Variants in RHOT1 observed in about 807,000 individuals in gnomAD.
The protein encoded by RHOT1 is mitochondrial Rho GTPase 1.
RHOT1 carries 27 observed loss-of-function variants against 95.3 expected under a neutral mutation model. The ratio of observed to expected loss-of-function variants is 0.28; its 90% confidence interval spans 0.21 to 0.39. RHOT1 has a LOEUF of 0.39. RHOT1 is among the 10% of genes least tolerant of loss of function. The pLI, the probability that RHOT1 is intolerant of heterozygous loss-of-function variation, is 1.00. For missense variants in RHOT1, 578 were observed against 786.7 expected (o/e 0.73, Z 3.17); for synonymous variants, 227 against 263.5 (o/e 0.86, Z 1.34).
At position 32,180,877 on chromosome 17, in the gene RHOT1, G is replaced by T. The variant is rs141529058; in HGVS notation, c.330-1880G>T. Among the ~76,000 whole-genome samples, 194 of 152,224 alleles carry T rather than the reference G, an allele frequency of 1.3e-3. 1 individual carries two copies. Among genetic ancestry groups the T allele is most frequent in the African/African-American group, 4.4e-3 (184 of 41,522 alleles). ...TTTAAAAAACTTTTGTAGAAACAGG[G>T]TCTCACTATGTTATCCAGGATAGTT... On this transcript the variant is annotated intron_variant, in intron 6 of 19. Coordinates refer to ENST00000545287, the MANE Select transcript of RHOT1 (RefSeq NM_001033566.3).
chr17:32,150,639 A>G, intron 1 of RHOT1: 2 of 1,592,478 alleles, frequency 1.3e-6, no homozygotes, highest in Non-Finnish European at 1.7e-6. Context: ...GACAGTGGAA[A>G]GAAGAGCTGG....
At chr17:32,175,745 G>A (rs1334639403) in intron 4 of RHOT1, among the ~76,000 whole-genome samples, 1 of 152,134 alleles carries the variant, frequency 6.6e-6, no homozygotes, top group Non-Finnish European at 1.5e-5. Flanking sequence ...TTCTTTTGCA[G>A]TTCTTTATTG....
chr17:32,151,631 C>A (rs1412022715), intron 1 of RHOT1: 8 of 237,402 alleles, frequency 3.4e-5, no homozygotes, highest in Non-Finnish European at 6.0e-5. Context: ...GCCTGTAATT[C>A]CAGCACTTTG....
intron 1 of RHOT1, among the ~76,000 whole-genome samples, chr17:32,166,322 C>CGAA (rs1182260743): frequency 6.6e-6 from 1 of 152,106 alleles, no homozygotes; most frequent in African/African-American, 2.4e-5. Context: ...TCTGAGCCTT[C>CGAA]AGTGAGTTGT....
At chr17:32,195,561 G>A (rs1031510977) in intron 11 of RHOT1, among the ~76,000 whole-genome samples, 14 of 152,132 alleles carry the variant, frequency 9.2e-5, no homozygotes, top group Admixed American at 2.0e-4. Context: ...GACTTCCCAG[G>A]ATCTGGCCTC....
At chr17:32,143,209 G>T in intron 1 of RHOT1, 1 of 436,310 alleles carries the variant, frequency 2.3e-6, no homozygotes, top group Non-Finnish European at 4.7e-6. Flanking sequence ...TCCCGGGGAA[G>T]CTGGGGGAGG....
At chr17:32,224,427 A>T (rs762263814) in intron 19 of RHOT1, among the ~76,000 whole-genome samples, 189 bp from the exon 20 acceptor site, 2 of 152,166 alleles carry the variant, frequency 1.3e-5, no homozygotes, top group Non-Finnish European at 2.9e-5. Context: ...ACATTGTGTC[A>T]TTTTCTTAAA....
In RHOT1 at chr17:32,194,079, G is replaced by A. The variant is rs2142774668; in HGVS notation, c.841G>A (p.Asp281Asn). Residue 281 changes from aspartate to asparagine, a missense_variant, in exon 11 of 20, where the codon GAT (aspartate) becomes AAT (asparagine). Transcript: ENST00000545287. ...ACGATTTGGTTATGATGATGACCTG[G>A]ATTTGACACCTGAATATTTGTTCCC... Reference protein sequence around the residue: ...LRRFGYDDDLDLTPEYLFPLL... With the variant: ...LRRFGYDDDLNLTPEYLFPLL... 2 of 1,614,060 alleles carry A rather than the reference G, an allele frequency of 1.2e-6. No homozygotes were observed. The highest frequency in any genetic ancestry group is 1.7e-6 in the Non-Finnish European group (2 of 1,179,990).
intron 1 of RHOT1, among the ~76,000 whole-genome samples, chr17:32,147,956 T>C (rs921481517): frequency 6.6e-6 from 1 of 152,130 alleles, no homozygotes; most frequent in East Asian, 1.9e-4. Flanking sequence ...CTGATGCGTG[T>C]AGGCTTTAAT....
At chr17:32,205,256 G>A (rs61195190) in intron 16 of RHOT1, among the ~76,000 whole-genome samples, 1,721 of 152,074 alleles carry the variant, frequency 0.011, 34 homozygotes, top group African/African-American at 0.039. Flanking sequence ...ACTTATGAGT[G>A]AGAACATGCA....
intron 1 of RHOT1, among the ~76,000 whole-genome samples, chr17:32,170,556 T>A (rs2034494975): frequency 1.3e-5 from 2 of 152,252 alleles, no homozygotes. Flanking sequence ...CATAATGTTG[T>A]GTAACCATCA....
chr17:32,190,363 G>C (rs2036397260), intron 8 of RHOT1, among the ~76,000 whole-genome samples: 1 of 152,066 alleles, frequency 6.6e-6, no homozygotes, highest in Non-Finnish European at 1.5e-5. Flanking sequence ...ACTGAGGCAG[G>C]AGAATCGCTT....
chr17:32,198,947 G>A lies in RHOT1; in HGVS notation c.870G>A (p.Leu290=), dbSNP rs1441440629. 1 of 1,592,272 alleles carries A rather than the reference G, an allele frequency of 6.3e-7. No individual in the cohort carries two copies. Among genetic ancestry groups the A allele is most frequent in the South Asian group, 1.1e-5 (1 of 88,438 alleles). ...LDLTPEYLFP[L]LKIPPDCTTE... is the part of the protein sequence containing the mutation. ...TTTTACTCTTGAATTTTTTCAACAG[G>A]CTGAAAATACCTCCTGATTGCACTA... The change falls in exon 12 of 20, where the codon CTG becomes CTA. Residue 290 remains leucine, a splice_region_variant and synonymous_variant. Transcript: ENST00000545287.
At chr17:32,194,882 G>A (rs2036757307) in intron 11 of RHOT1, among the ~76,000 whole-genome samples, 1 of 144,882 alleles carries the variant, frequency 6.9e-6, no homozygotes. Flanking sequence ...AGGCTGGAGT[G>A]CAGTGTCACG....
chr17:32,194,229 C>A (rs2142776938), intron 11 of RHOT1, 122 bp downstream of exon 11: 7 of 966,368 alleles, frequency 7.2e-6, no homozygotes, highest in Non-Finnish European at 1.1e-5. Flanking sequence ...CCTTGGCCTC[C>A]CAAATTGCTG....
chr17:32,181,358 T>G (rs2035617821), intron 6 of RHOT1, among the ~76,000 whole-genome samples: 1 of 152,184 alleles, frequency 6.6e-6, no homozygotes. Flanking sequence ...ATCTACCCAT[T>G]TTTTTCCAGC....
chr17:32,150,890 G>C (rs1434402134), intron 1 of RHOT1: 1 of 1,542,774 alleles, frequency 6.5e-7, no homozygotes, highest in Non-Finnish European at 8.9e-7. Context: ...TAAGCACTGG[G>C]GGATGTTCTG....
chr17:32,163,960 TC>T (rs2033808357), intron 1 of RHOT1, among the ~76,000 whole-genome samples: 1 of 151,510 alleles, frequency 6.6e-6, no homozygotes, highest in East Asian at 2.0e-4. Context: ...ATCGAGACCA[TC>T]CTGGCCAACA....
At chr17:32,168,707 C>T (rs147412923) in intron 1 of RHOT1, among the ~76,000 whole-genome samples, 25 of 151,428 alleles carry the variant, frequency 1.7e-4, no homozygotes, top group South Asian at 6.2e-4. Context: ...CATTCCCTTT[C>T]GGTGTTGTTA....
Sources: gnomAD v4.1 joint callset for allele counts (sites outside exome capture counted in the v4.1 genomes callset) on GRCh38, gnomAD v4.1.1 for gene constraint, MANE v1.5 for transcripts, NCBI Gene and HGNC (gene_info 2026-07-23, HGNC 2026-07-21) for gene names.